TEX11: variants seen among roughly 807,000 people sequenced by gnomAD.
The protein encoded by TEX11 is testis-expressed protein 11.
In TEX11, 7 loss-of-function variants were observed where a neutral mutation model predicts 84.4. The observed-to-expected ratio is 0.08, with a 90% CI of 0.05 to 0.16. The LOEUF is 0.16. Among genes scored for constraint, TEX11 ranks in the 10% least tolerant of loss-of-function variants. The probability of loss-of-function intolerance (pLI) is 1.00; values close to 1 mark genes in which losing one functional copy is unlikely to be tolerated. For synonymous variants in TEX11, 264 were observed against 222.8 expected (o/e 1.18, Z -1.64); for missense variants, 551 against 660.5 (o/e 0.83, Z 1.82).
At chrX:70,638,588 T>C (rs2089603439) in intron 17 of TEX11, among the ~76,000 whole-genome samples, 1 of 110,118 alleles carries the variant, frequency 9.1e-6, no homozygotes, top group Non-Finnish European at 1.9e-5. Context: ...TCACTTGAGG[T>C]CAGAATTTTG....
At chrX:70,845,404 C>T (rs1023845163) in intron 7 of TEX11, among the ~76,000 whole-genome samples, 2 of 110,316 alleles carry the variant, frequency 1.8e-5, no homozygotes, top group African/African-American at 3.3e-5. Context: ...TCAGGCGATC[C>T]GCCCGCCTCG....
At chrX:70,792,349 TATATATATACAC>T (rs1265857600) in intron 9 of TEX11, among the ~76,000 whole-genome samples, 1,025 of 11,702 alleles carry the variant, frequency 0.088, 141 homozygotes, top group East Asian at 0.25. Context: ...TATATATATA[TATATATATACAC>T]ACACAAATAT....
chrX:70,579,077 T>C (rs948003596), intron 25 of TEX11, among the ~76,000 whole-genome samples: 2 of 110,866 alleles, frequency 1.8e-5, no homozygotes, highest in African/African-American at 6.5e-5. Flanking sequence ...CTTTTAATAC[T>C]AAAATGTGCT....
chrX:70,616,746 C>T (rs1394830684), intron 20 of TEX11, among the ~76,000 whole-genome samples: 2 of 111,655 alleles, frequency 1.8e-5, no homozygotes, highest in Non-Finnish European at 3.8e-5. Context: ...AACTGGAGGT[C>T]ATTATGTTAA....
intron 17 of TEX11, among the ~76,000 whole-genome samples, chrX:70,632,874 A>ATAGAT (rs1250823979): frequency 8.9e-6 from 1 of 111,992 alleles, no homozygotes; most frequent in African/African-American, 3.2e-5. Flanking sequence ...TCAATAAATA[A>ATAGAT]TAGATAACTT....
chrX:70,629,946 G>T (rs1779658722), intron 17 of TEX11, among the ~76,000 whole-genome samples: 4 of 112,016 alleles, frequency 3.6e-5, no homozygotes, highest in Admixed American at 1.9e-4. Flanking sequence ...GCACTTCTGT[G>T]AATTTATCTT....
chrX:70,682,322 A>G lies in TEX11; in HGVS notation c.1156+352T>C, dbSNP rs1241947871. Among the ~76,000 whole-genome samples, 5 of 112,015 alleles carry G rather than the reference A, an allele frequency of 4.5e-5. No homozygotes were observed. The Admixed American group carries it at 4.7e-4, about 11-fold the overall frequency. ...TCACAATCATCATTTTATAGTTGAA[A>G]AAAAAATCAAGGTCCTTTGACTTGT... On this transcript the variant is annotated intron_variant, in intron 14 of 29. Coordinates refer to ENST00000374333, the MANE Select transcript of TEX11 (RefSeq NM_031276.3).
At chrX:70,790,769 T>A (rs5936984) in intron 9 of TEX11, among the ~76,000 whole-genome samples, 44,574 of 110,633 alleles carry the variant, frequency 0.4, 7,431 homozygotes, top group East Asian at 0.55. Context: ...GCCTGAGTGC[T>A]TTGCCAGTGG....
At chrX:70,640,019 GA>G (rs1157643298) in intron 17 of TEX11, among the ~76,000 whole-genome samples, 2 of 108,365 alleles carry the variant, frequency 1.8e-5, no homozygotes, top group African/African-American at 6.7e-5. Flanking sequence ...TGAAAACTTT[GA>G]AAAAAATTTA....
intron 13 of TEX11, 78 bp downstream of exon 13, chrX:70,722,540 G>A: frequency 2.5e-6 from 2 of 813,774 alleles, no homozygotes; most frequent in Non-Finnish European, 3.6e-6. Context: ...CTCTCCAAGT[G>A]CTGGGATTCT....
At chrX:70,859,218 A>C (rs2091554883) in intron 5 of TEX11, among the ~76,000 whole-genome samples, 1 of 109,243 alleles carries the variant, frequency 9.2e-6, no homozygotes, top group African/African-American at 3.3e-5. Context: ...TTACATAATA[A>C]AATATTTTAA....
At chrX:70,519,747 T>C in the TEX11 span, among the ~76,000 whole-genome samples, 2 of 112,190 alleles carry the variant, frequency 1.8e-5, no homozygotes, top group Non-Finnish European at 3.8e-5. Context: ...CACTTTCAGG[T>C]ACACCAATCA....
At chrX:70,791,066 A>G (rs951927660) in intron 9 of TEX11, among the ~76,000 whole-genome samples, 14 of 111,804 alleles carry the variant, frequency 1.3e-4, no homozygotes, top group African/African-American at 4.6e-4. Flanking sequence ...TGATGAGTTC[A>G]TGTCCTTTGT....
At chrX:70,556,051 G>T (rs1294546000) in intron 25 of TEX11, among the ~76,000 whole-genome samples, 2 of 110,540 alleles carry the variant, frequency 1.8e-5, no homozygotes, top group African/African-American at 6.6e-5. Flanking sequence ...ATTTGTATTG[G>T]TCTTTTCAAA....
At chrX:70,612,721 T>A (rs970390790) in intron 20 of TEX11, among the ~76,000 whole-genome samples, 1 of 111,559 alleles carries the variant, frequency 9.0e-6, no homozygotes, top group Non-Finnish European at 1.9e-5. Flanking sequence ...GTAATGGGAA[T>A]ACCAGAAGGA....
At chrX:70,638,024 T>C (rs2089596954) in intron 17 of TEX11, among the ~76,000 whole-genome samples, 1 of 109,773 alleles carries the variant, frequency 9.1e-6, no homozygotes, top group Non-Finnish European at 1.9e-5. Context: ...ATATCTGAAT[T>C]ATAGGAGTTC....
intron 9 of TEX11, among the ~76,000 whole-genome samples, chrX:70,751,312 G>C (rs940183134): frequency 9.3e-6 from 1 of 107,311 alleles, no homozygotes; most frequent in African/African-American, 3.4e-5. Flanking sequence ...CATAAAAAAC[G>C]ATGAGTTCAT....
At chrX:70,826,808 G>A (rs1361923167) in intron 8 of TEX11, among the ~76,000 whole-genome samples, 2 of 111,206 alleles carry the variant, frequency 1.8e-5, no homozygotes, top group Non-Finnish European at 3.8e-5. Flanking sequence ...GAAGTGCTCT[G>A]GGGTCCTACA....
intron 16 of TEX11, among the ~76,000 whole-genome samples, chrX:70,666,693 A>T (rs185013068): frequency 1.8e-5 from 2 of 111,825 alleles, no homozygotes; most frequent in Non-Finnish European, 3.8e-5. Context: ...TACCAACACG[A>T]AACAGACTAA....
Sources: allele counts gnomAD v4.1 joint callset (sites outside exome capture counted in the v4.1 genomes callset), GRCh38; gene constraint gnomAD v4.1.1; transcripts MANE v1.5; gene names NCBI Gene and HGNC (gene_info 2026-07-23, HGNC 2026-07-21).